Variants in CSTF2 observed in about 807,000 individuals in gnomAD.
CSTF2 encodes the protein CF-1 64 kDa subunit.
Under a neutral mutation model 45.4 loss-of-function variants are expected in CSTF2, and 8 were observed. The observed-to-expected ratio is 0.18, with a 90% CI of 0.10 to 0.32. The LOEUF (loss-of-function observed/expected upper bound fraction) is 0.32, where lower values mean the gene tolerates loss of function less well. Ranked by LOEUF, CSTF2 falls within the 10% of genes least tolerant of loss-of-function variation. The probability of loss-of-function intolerance (pLI) is 1.00; values close to 1 mark genes in which losing one functional copy is unlikely to be tolerated. For synonymous variants in CSTF2, 155 were observed against 158.9 expected (o/e 0.98, Z 0.18); for missense variants, 253 against 477.1 (o/e 0.53, Z 4.38).
chrX:100,828,129 T>C (rs754990201), intron 8 of CSTF2, 27 bp downstream of exon 8: 15 of 1,132,375 alleles, frequency 1.3e-5, no homozygotes, highest in African/African-American at 1.8e-5. Flanking sequence ...GTCTGACTAA[T>C]GTTAATTGGT....
chrX:100,833,209 C>T lies in CSTF2; in HGVS notation c.1237C>T (p.Arg413Ter), dbSNP rs748719204. 1 of 1,210,436 alleles carries T rather than the reference C, an allele frequency of 8.3e-7. No individual in the cohort carries two copies. Reference sequence around the variant, plus strand: ...AAGGGATCCCCGAGGAATAGATGCACGAGGGATGGAGGCCCGAGCCATGGA... The same window carrying T: ...AAGGGATCCCCGAGGAATAGATGCATGAGGGATGGAGGCCCGAGCCATGGA... Reference protein sequence around the residue: ...GGRDPRGIDARGMEARAMEAR... With the variant: ...GGRDPRGIDA The change falls in exon 11 of 14, where the codon CGA becomes TGA. Residue 413 changes from arginine to a stop codon, truncating the protein, a stop_gained. Coordinates refer to ENST00000372972, the MANE Select transcript of CSTF2 (RefSeq NM_001325.3). LOFTEE classifies it high-confidence loss of function.
chrX:100,835,547 C>CTTT (rs3031093), intron 11 of CSTF2, among the ~76,000 whole-genome samples: 18 of 100,800 alleles, frequency 1.8e-4, no homozygotes, highest in Admixed American at 4.4e-4. Context: ...TGTTCTATAC[C>CTTT]TTTTTTTTTT....
At chrX:100,836,832 T>C (rs768687151) in intron 11 of CSTF2, among the ~76,000 whole-genome samples, 5 of 112,209 alleles carry the variant, frequency 4.5e-5, no homozygotes, top group Non-Finnish European at 9.4e-5. Flanking sequence ...GGCCTTCCCA[T>C]TGCCTTTCTG....
rs772764083 is a variant in CSTF2, at chrX:100,837,402, G to A, written c.1564G>A (p.Gly522Ser). ...ASIQGGSQPG[G>S]FSPGQNQVTP... ...TATACAGGGTGGAAGCCAGCCTGGC[G>A]GCTTTAGTCCCGGGCAGAACCAAGT... Residue 522 changes from glycine (G) to serine (S), a missense_variant, in exon 12 of 14, where the codon GGC becomes AGC. Physicochemically the swap from Gly to Ser is moderately conservative, Grantham distance 56. Coordinates refer to ENST00000372972, the MANE Select transcript of CSTF2 (RefSeq NM_001325.3). 9.1e-6 allele frequency: 11 copies of A among 1,208,862 alleles called. No homozygotes were observed. In the Admixed American group the frequency reaches 1.8e-4, roughly 19 times the overall value.
At chrX:100,831,439 C>A in intron 8 of CSTF2, 76 bp from the exon 9 acceptor site, 1 of 1,107,891 alleles carries the variant, frequency 9.0e-7, no homozygotes, top group South Asian at 1.9e-5. Flanking sequence ...ATTATGTTGT[C>A]AGTGGTATAT....
Position 100,823,356 on chromosome X carries a change from C to T in CSTF2, c.372C>T (p.Ala124=), listed in dbSNP as rs935596761. 4.1e-6 allele frequency: 5 copies of T among 1,210,585 alleles called. No homozygotes were observed. The highest frequency in any genetic ancestry group is 5.6e-6 in the Non-Finnish European group (5 of 895,133). The change falls in exon 4 of 14, where the codon GCC becomes GCT. Residue 124 remains alanine (A), a synonymous_variant. Transcript: ENST00000372972. ...PYGETISPED[A]PESISKAVAS... ...GAGAGACCATCAGTCCTGAGGATGC[C>T]CCTGAGTCCATTAGCAAAGCAGTTG...
In CSTF2 at chrX:100,826,055, G is replaced by GT. The variant is rs1052247619; in HGVS notation, c.703-573dup. Among the ~76,000 whole-genome samples the GT allele has an allele frequency of 5.4e-5, 6 of 110,981 alleles. No individual in the cohort carries two copies. The South Asian group carries it at 1.1e-3, about 21-fold the overall frequency. On this transcript the variant is annotated intron_variant, in intron 6 of 13. Coordinates refer to ENST00000372972, the MANE Select transcript of CSTF2 (RefSeq NM_001325.3). ...TGTTTCTAATTCAAGGGACTACTCAGTTTTTTGGGGAATGCACAGATGAAA... is the reference window on the plus strand; with the variant it reads ...TGTTTCTAATTCAAGGGACTACTCAGTTTTTTTGGGGAATGCACAGATGAAA...
intron 12 of CSTF2, 82 bp from the exon 13 acceptor site, chrX:100,838,157 T>C (rs778516742): frequency 1.0e-6 from 1 of 966,321 alleles, no homozygotes; most frequent in African/African-American, 2.0e-5. Flanking sequence ...GGACAGAAGC[T>C]GGTGGTGGGT....
chrX:100,835,908 C>A (rs2085005451), intron 11 of CSTF2, among the ~76,000 whole-genome samples: 1 of 111,344 alleles, frequency 9.0e-6, no homozygotes, highest in African/African-American at 3.3e-5. Context: ...CCGAATTGTG[C>A]TGCTATAAAC....
rs894692680 is a variant in CSTF2 at position 100,840,746 on chromosome X, A to C, written c.*36A>C. 8.9e-6 allele frequency: 1 copy of C among 111,963 alleles called. No individual in the cohort carries two copies. The highest frequency in any genetic ancestry group is 3.2e-5 in the African/African-American group (1 of 30,785). The allele number at this position is 111,963 out of a possible 1,213,427, so 9.2% of individuals were successfully genotyped here. A position where few individuals can be genotyped will look rare whatever the true frequency, so the allele number is the denominator to read the frequency against. On this transcript the variant is annotated 3_prime_UTR_variant, in exon 14 of 14. Transcript: ENST00000372972. ...AAAATACCTGGCAAGAAATCTGGAA[A>C]TTCTATAATTTTGTTGAAATATTGA...
intron 8 of CSTF2, among the ~76,000 whole-genome samples, chrX:100,831,271 G>T (rs1016074193): frequency 9.0e-6 from 1 of 111,679 alleles, no homozygotes; most frequent in Non-Finnish European, 1.9e-5. Flanking sequence ...TCTCCAGGTC[G>T]CAGTGCTAGT....
chrX:100,823,537 TC>T, intron 4 of CSTF2, 109 bp downstream of exon 4: 1 of 852,729 alleles, frequency 1.2e-6, no homozygotes, highest in Non-Finnish European at 1.7e-6. Flanking sequence ...GACCACCATT[TC>T]TTGCACCTTC....
intron 11 of CSTF2, 54 bp from the exon 12 acceptor site, chrX:100,837,285 G>A: frequency 2.4e-6 from 2 of 842,560 alleles, no homozygotes; most frequent in East Asian, 3.2e-5. Context: ...CTGAATTCAG[G>A]TTACCTATAC....
intron 11 of CSTF2, among the ~76,000 whole-genome samples, chrX:100,833,945 A>G (rs1446539864): frequency 2.7e-5 from 3 of 112,070 alleles, no homozygotes; most frequent in African/African-American, 9.7e-5. Flanking sequence ...GTTAGTGGCC[A>G]TTTAGATAAT....
intron 13 of CSTF2, among the ~76,000 whole-genome samples, chrX:100,839,706 CT>C (rs1408119245): frequency 1.8e-5 from 2 of 109,753 alleles, no homozygotes; most frequent in South Asian, 3.9e-4. Context: ...CCCACATATT[CT>C]TTTTTTTTAG....
intron 3 of CSTF2, chrX:100,822,802 C>T (rs1426207892): frequency 8.4e-6 from 1 of 119,504 alleles, no homozygotes; most frequent in African/African-American, 4.2e-5. Context: ...AGAAATTCTT[C>T]AGTTGCTCCA....
intron 8 of CSTF2, among the ~76,000 whole-genome samples, chrX:100,828,882 A>G (rs889968281): frequency 2.7e-5 from 3 of 112,528 alleles, no homozygotes; most frequent in Non-Finnish European, 5.6e-5. Flanking sequence ...TTGGAAGCTC[A>G]GAATAAGTTA....
intron 13 of CSTF2, among the ~76,000 whole-genome samples, chrX:100,839,431 G>A (rs1469283680): frequency 1.8e-5 from 2 of 110,745 alleles, no homozygotes; most frequent in Non-Finnish European, 3.8e-5. Flanking sequence ...TATCAGGTAG[G>A]ACAGCACAAT....
chrX:100,824,336 G>C, intron 6 of CSTF2, 79 bp downstream of exon 6: 1 of 986,336 alleles, frequency 1.0e-6, no homozygotes. Flanking sequence ...ATTGAAAGAA[G>C]AATGGTCAGG....
Sources: gnomAD v4.1 joint callset for allele counts (sites outside exome capture counted in the v4.1 genomes callset) on GRCh38, gnomAD v4.1.1 for gene constraint, MANE v1.5 for transcripts, NCBI Gene and HGNC (gene_info 2026-07-23, HGNC 2026-07-21) for gene names.